ANO2: variants seen among roughly 807,000 people sequenced by gnomAD.
ANO2 encodes anoctamin-2.
Under a neutral mutation model 124.2 loss-of-function variants are expected in ANO2, and 101 were observed. The observed-to-expected ratio is 0.81, with a 90% CI of 0.69 to 0.96. The LOEUF is 0.96. Ranked by LOEUF, ANO2 falls within the 40% of genes least tolerant of loss-of-function variation. The pLI, the probability that ANO2 is intolerant of heterozygous loss-of-function variation, is 0.00. For missense variants in ANO2, 1,293 were observed against 1,274.5 expected (o/e 1.01, Z -0.22); for synonymous variants, 486 against 482.5 (o/e 1.01, Z -0.09).
intron 14 of ANO2, among the ~76,000 whole-genome samples, chr12:5,659,071 C>T (rs1455214275): frequency 6.6e-6 from 1 of 152,164 alleles, no homozygotes; most frequent in African/African-American, 2.4e-5. Context: ...ACTCATTCCA[C>T]CACCTGGTCC....
At chr12:5,659,415 G>T (rs932973868) in intron 14 of ANO2, among the ~76,000 whole-genome samples, 5 of 152,108 alleles carry the variant, frequency 3.3e-5, no homozygotes, top group South Asian at 2.1e-4. Flanking sequence ...TGAGCCTCCA[G>T]GTCCCACCCC....
In ANO2 at chr12:5,576,033, A is replaced by C. The variant is rs747412012; in HGVS notation, c.2440-18T>G. 2.8e-5 allele frequency: 44 copies of C among 1,588,192 alleles called. No individual in the cohort carries two copies. The Admixed American group carries it at 7.8e-4, about 28-fold the overall frequency. On this transcript the variant is annotated intron_variant, in intron 22 of 24. Coordinates refer to ENST00000682330, the MANE Select transcript of ANO2 (RefSeq NM_001364791.2). ...ACAAAAGCCTGAGGGACAGAACCAT[A>C]AGCACTGAGTAGCCAGGATTGATGC...
At chr12:5,747,282 T>TGTAA (rs1435852778) in intron 11 of ANO2, among the ~76,000 whole-genome samples, 1 of 152,262 alleles carries the variant, frequency 6.6e-6, no homozygotes, top group African/African-American at 2.4e-5. Context: ...CCAGGAATAC[T>TGTAA]GTAAGTTTTT....
In ANO2 at chr12:5,874,405, A is replaced by G. The variant is rs1162881168; in HGVS notation, c.535-20264T>C. Among the ~76,000 whole-genome samples, 3 of 152,162 alleles carry G rather than the reference A, an allele frequency of 2.0e-5. No individual in the cohort carries two copies. In the East Asian group the frequency reaches 5.8e-4, roughly 29 times the overall value. On this transcript the variant is annotated intron_variant, in intron 3 of 24. Transcript: ENST00000682330. ...TTGCCCTATGCAGGCAAGAGCTTGGATTAGAGGAACCCTGAGGGCCTTCCC... is the reference window on the plus strand; with the variant it reads ...TTGCCCTATGCAGGCAAGAGCTTGGGTTAGAGGAACCCTGAGGGCCTTCCC...
intron 3 of ANO2, among the ~76,000 whole-genome samples, chr12:5,881,288 A>G (rs567390773): frequency 2.0e-5 from 3 of 152,246 alleles, no homozygotes; most frequent in African/African-American, 7.2e-5. Context: ...ATGCATCCAA[A>G]TCAGACTTTC....
At chr12:5,595,625 T>C (rs963715920) in intron 20 of ANO2, among the ~76,000 whole-genome samples, 7 of 152,292 alleles carry the variant, frequency 4.6e-5, no homozygotes, top group African/African-American at 1.7e-4. Context: ...ACTCCTTGAC[T>C]GGGTCTGTTG....
intron 10 of ANO2, among the ~76,000 whole-genome samples, chr12:5,783,995 A>G (rs1693600266): frequency 6.6e-6 from 1 of 152,186 alleles, no homozygotes; most frequent in African/African-American, 2.4e-5. Flanking sequence ...ACATCACTTT[A>G]GCTGAGTAGC....
intron 10 of ANO2, among the ~76,000 whole-genome samples, chr12:5,755,496 G>A (rs1951554706): frequency 6.6e-6 from 1 of 151,906 alleles, no homozygotes; most frequent in South Asian, 2.1e-4. Flanking sequence ...ATGTTCGTGT[G>A]CTGCACCCAT....
intron 10 of ANO2, among the ~76,000 whole-genome samples, chr12:5,779,894 T>C (rs1952334252): frequency 6.6e-6 from 1 of 152,174 alleles, no homozygotes; most frequent in South Asian, 2.1e-4. Flanking sequence ...AAGGAGGCTA[T>C]ATAGAGACAT....
At chr12:5,885,926 C>T (rs1440079611) in intron 3 of ANO2, among the ~76,000 whole-genome samples, 8 of 152,310 alleles carry the variant, frequency 5.3e-5, no homozygotes, top group Middle Eastern at 3.4e-3. Context: ...TGGAGATCTG[C>T]ACCACTGCTC....
At chr12:5,755,387 TTTTA>T (rs201068770) in intron 10 of ANO2, among the ~76,000 whole-genome samples, 9,382 of 149,104 alleles carry the variant, frequency 0.063, 380 homozygotes, top group African/African-American at 0.11. Flanking sequence ...TTTTTATTTA[TTTTA>T]TTTATTTATT....
rs1218928870 is a variant in ANO2 at position 5,778,270 on chromosome 12, CAG to C, written c.1055+21235_1055+21236del. On this transcript the variant is annotated intron_variant, in intron 10 of 24. Coordinates refer to ENST00000682330, the MANE Select transcript of ANO2 (RefSeq NM_001364791.2). ...ATTTTATAGATGAGGACTGAGAAAACAGAGAAGTTAAATGAGTATTATAAAGC... is the reference window on the plus strand; with the variant it reads ...ATTTTATAGATGAGGACTGAGAAAACAGAAGTTAAATGAGTATTATAAAGC... Among the ~76,000 whole-genome samples, 9 of 152,216 alleles carry C rather than the reference CAG, an allele frequency of 5.9e-5. No individual in the cohort carries two copies. In the East Asian group the frequency reaches 1.5e-3, roughly 26 times the overall value.
chr12:5,906,973 G>A (rs1940746116), intron 3 of ANO2, among the ~76,000 whole-genome samples: 2 of 152,188 alleles, frequency 1.3e-5, no homozygotes, highest in Non-Finnish European at 2.9e-5. Flanking sequence ...TTAGATGATG[G>A]ATGGATGCAA....
At chr12:5,876,334 T>C (rs1344703711) in intron 3 of ANO2, among the ~76,000 whole-genome samples, 1 of 152,174 alleles carries the variant, frequency 6.6e-6, no homozygotes, top group Non-Finnish European at 1.5e-5. Context: ...TTCTAGGACA[T>C]AATTCCAACA....
intron 1 of ANO2, among the ~76,000 whole-genome samples, chr12:5,936,367 TAAG>T (rs955019134): frequency 1.3e-5 from 2 of 152,186 alleles, no homozygotes; most frequent in African/African-American, 4.8e-5. Context: ...GCAGCAGAAT[TAAG>T]AAGTGGGTCC....
chr12:5,642,224 CG>C (rs922580959), intron 15 of ANO2, among the ~76,000 whole-genome samples: 1 of 152,074 alleles, frequency 6.6e-6, no homozygotes, highest in African/African-American at 2.4e-5. Context: ...AGCAGTGTCC[CG>C]GGACTTGGTC....
intron 1 of ANO2, among the ~76,000 whole-genome samples, chr12:5,923,199 C>T (rs1325424190): frequency 5.1e-5 from 7 of 138,434 alleles, no homozygotes; most frequent in African/African-American, 1.6e-4. Context: ...CACACACGCA[C>T]GCACACACAC....
At chr12:5,830,787 A>T (rs1019781085) in intron 5 of ANO2, among the ~76,000 whole-genome samples, 1 of 152,254 alleles carries the variant, frequency 6.6e-6, no homozygotes, top group African/African-American at 2.4e-5. Context: ...AATCTATAGG[A>T]TAGGGTATCA....
intron 19 of ANO2, among the ~76,000 whole-genome samples, chr12:5,610,181 ACTTATATAAATATATACTTATATAAAT>A (rs1944430694): frequency 2.7e-5 from 2 of 73,132 alleles, no homozygotes; most frequent in Non-Finnish European, 5.2e-5. Context: ...TTATATAAAT[ACTTATATAAATATATACTTATATAAAT>A]ACTTATATAA....
Sources: gnomAD v4.1 joint callset for allele counts (sites outside exome capture counted in the v4.1 genomes callset) on GRCh38, gnomAD v4.1.1 for gene constraint, MANE v1.5 for transcripts, NCBI Gene and HGNC (gene_info 2026-07-23, HGNC 2026-07-21) for gene names.